The following TMEM117 variants were observed in gnomAD, a reference collection of about 807,000 sequenced individuals.
The protein encoded by TMEM117 is transmembrane protein 117.
TMEM117 carries 27 observed loss-of-function variants against 52.4 expected under a neutral mutation model. The ratio of observed to expected loss-of-function variants is 0.51; its 90% CI spans 0.38 to 0.71. The LOEUF (loss-of-function observed/expected upper bound fraction) is 0.71. Ranked by LOEUF, TMEM117 falls within the 30% of genes least tolerant of loss-of-function variation. The probability of loss-of-function intolerance (pLI) is 0.00; values close to 1 mark genes in which losing one functional copy is unlikely to be tolerated. For synonymous variants in TMEM117, 215 were observed against 206.3 expected (o/e 1.04, Z -0.36); for missense variants, 556 against 630.5 (o/e 0.88, Z 1.26).
At chr12:44,370,093 T>G (rs1381724436) in intron 6 of TMEM117, among the ~76,000 whole-genome samples, 1 of 152,220 alleles carries the variant, frequency 6.6e-6, no homozygotes, top group Non-Finnish European at 1.5e-5. Flanking sequence ...TAAAATCACA[T>G]GTTGGTTTAC....
chr12:43,900,825 C>CAG lies in TMEM117; in HGVS notation c.278-43372_278-43371dup, dbSNP rs148460114. 1.4e-4 allele frequency among the ~76,000 whole-genome samples: 21 copies of CAG among 149,378 alleles called. 1 individual carries two copies. The South Asian group carries it at 4.2e-3, about 30-fold the overall frequency. ...TATAGAACATTTGGAAACTACAGAA[C>CAG]AGAGAGAGAGAGAGGAAGGAAGAAA... On this transcript the variant is annotated intron_variant, in intron 2 of 7. Coordinates refer to ENST00000266534, the MANE Select transcript of TMEM117 (RefSeq NM_032256.3).
At chr12:43,982,409 T>C (rs1255124777) in intron 3 of TMEM117, among the ~76,000 whole-genome samples, 1 of 152,180 alleles carries the variant, frequency 6.6e-6, no homozygotes, top group Non-Finnish European at 1.5e-5. Context: ...AAACTGAGTC[T>C]ACACACTGGC....
chr12:44,209,790 A>G (rs1265622920), intron 4 of TMEM117, among the ~76,000 whole-genome samples: 2 of 152,170 alleles, frequency 1.3e-5, no homozygotes, highest in Non-Finnish European at 2.9e-5. Flanking sequence ...ATCTTTCCTG[A>G]AAACTGGAAT....
chr12:44,283,596 A>G (rs984892001), intron 5 of TMEM117, among the ~76,000 whole-genome samples: 4 of 152,004 alleles, frequency 2.6e-5, no homozygotes, highest in African/African-American at 9.7e-5. Context: ...CTGTACCCCC[A>G]TTGTATCTAG....
intron 3 of TMEM117, among the ~76,000 whole-genome samples, chr12:43,985,146 A>C (rs1315169741): frequency 1.3e-5 from 2 of 152,190 alleles, no homozygotes; most frequent in African/African-American, 4.8e-5. Flanking sequence ...GTTGCTTGAA[A>C]TTCTCAAGAA....
chr12:44,393,989 C>T (rs959608570), downstream of TMEM117, among the ~76,000 whole-genome samples: 1 of 151,986 alleles, frequency 6.6e-6, no homozygotes, highest in African/African-American at 2.4e-5. Context: ...TGAACACATC[C>T]CCAGGAGAAT....
At chr12:43,939,617 A>G (rs1220136857) in intron 2 of TMEM117, among the ~76,000 whole-genome samples, 2 of 152,148 alleles carry the variant, frequency 1.3e-5, no homozygotes, top group Non-Finnish European at 2.9e-5. Flanking sequence ...GTCTTCTACC[A>G]CTTTGGCACA....
At chr12:44,022,362 C>G (rs1187470608) in intron 3 of TMEM117, among the ~76,000 whole-genome samples, 2 of 152,158 alleles carry the variant, frequency 1.3e-5, no homozygotes, top group African/African-American at 4.8e-5. Context: ...AGAGTGAACT[C>G]TCCTTTGAAA....
intron 6 of TMEM117, among the ~76,000 whole-genome samples, chr12:44,373,641 T>A (rs1427590782): frequency 6.6e-6 from 1 of 152,112 alleles, no homozygotes; most frequent in African/African-American, 2.4e-5. Context: ...CTTGTGAGGC[T>A]GACATATTTA....
chr12:44,075,398 C>A (rs1947366188), intron 3 of TMEM117, among the ~76,000 whole-genome samples: 2 of 152,210 alleles, frequency 1.3e-5, no homozygotes, highest in South Asian at 4.1e-4. Flanking sequence ...GCACAGCACC[C>A]TGGTCAGGAG....
chr12:44,196,234 A>G (rs1232177942), intron 4 of TMEM117, among the ~76,000 whole-genome samples: 1 of 152,154 alleles, frequency 6.6e-6, no homozygotes, highest in Non-Finnish European at 1.5e-5. Context: ...GAACAGGTAA[A>G]TCAGTCAAAA....
chr12:44,224,391 G>C (rs76095047), intron 5 of TMEM117, among the ~76,000 whole-genome samples: 1 of 152,002 alleles, frequency 6.6e-6, no homozygotes, highest in East Asian at 1.9e-4. Context: ...TACTTAATCT[G>C]CAGATTCATT....
At chr12:43,922,715 T>G (rs1187254124) in intron 2 of TMEM117, among the ~76,000 whole-genome samples, 1 of 152,186 alleles carries the variant, frequency 6.6e-6, no homozygotes, top group African/African-American at 2.4e-5. Context: ...GAATGAAAGT[T>G]GGAACTCATG....
intron 3 of TMEM117, among the ~76,000 whole-genome samples, chr12:43,970,051 T>A (rs1199723191): frequency 1.3e-5 from 2 of 152,184 alleles, no homozygotes; most frequent in African/African-American, 2.4e-5. Context: ...TCTTAGTAGC[T>A]TGATGAACTC....
intron 3 of TMEM117, among the ~76,000 whole-genome samples, chr12:44,014,836 G>T (rs1337125364): frequency 6.6e-6 from 1 of 151,148 alleles, no homozygotes; most frequent in Non-Finnish European, 1.5e-5. Flanking sequence ...TCTATTTGTT[G>T]TACCGTTTTT....
At chr12:44,043,536 C>T (rs1946834022) in intron 3 of TMEM117, among the ~76,000 whole-genome samples, 1 of 152,130 alleles carries the variant, frequency 6.6e-6, no homozygotes, top group Middle Eastern at 3.2e-3. Context: ...ACATCCCCTC[C>T]CCGACCCATG....
In TMEM117 at chr12:44,367,977, A is replaced by G. The variant is rs117290688; in HGVS notation, c.769-8618A>G. On this transcript the variant is annotated intron_variant, in intron 6 of 7. Transcript: ENST00000266534. ...CTCCTAATAGATTTTTACCCCTCCT[A>G]CAGTCAGTTTATAACTGTCCACATC... 2.6e-4 allele frequency among the ~76,000 whole-genome samples: 39 copies of G among 152,122 alleles called. No homozygotes were observed. In the East Asian group the frequency reaches 7.0e-3, roughly 27 times the overall value.
intron 3 of TMEM117, among the ~76,000 whole-genome samples, chr12:44,132,455 T>G (rs1040696983): frequency 4.6e-5 from 7 of 152,160 alleles, no homozygotes; most frequent in African/African-American, 1.4e-4. Context: ...AGATTTCTAC[T>G]GATCCTCCAT....
At chr12:43,811,038 T>C in the TMEM117 span, among the ~76,000 whole-genome samples, 1 of 152,238 alleles carries the variant, frequency 6.6e-6, no homozygotes, top group Non-Finnish European at 1.5e-5. Flanking sequence ...GCTTTAATGA[T>C]AGTTTTTGGT....
Sources: gnomAD v4.1 joint callset for allele counts (sites outside exome capture counted in the v4.1 genomes callset) on GRCh38, gnomAD v4.1.1 for gene constraint, MANE v1.5 for transcripts, NCBI Gene and HGNC (gene_info 2026-07-23, HGNC 2026-07-21) for gene names.